The following SLC16A1 variants were observed in gnomAD, a reference collection of about 807,000 sequenced individuals.
The protein encoded by SLC16A1 is monocarboxylate transporter 1.
A neutral mutation model predicts 32.2 loss-of-function variants in SLC16A1; 11 were observed. The ratio of observed to expected loss-of-function variants is 0.34; its 90% confidence interval spans 0.21 to 0.56. The LOEUF (loss-of-function observed/expected upper bound fraction) is 0.56, where lower values mean the gene tolerates loss of function less well. Ranked by LOEUF, SLC16A1 falls within the 20% of genes least tolerant of loss-of-function variation. SLC16A1 has a pLI of 0.87. For missense variants in SLC16A1, 435 were observed against 615.0 expected, an observed-to-expected ratio of 0.71 and a Z score of 3.10; for synonymous variants, 231 against 226.8, an observed-to-expected ratio of 1.02 and a Z score of -0.17.
In SLC16A1 at chr1:112,914,099, A is replaced by G; in HGVS notation, c.1295T>C (p.Ile432Thr). 6.2e-7 allele frequency: 1 copy of G among 1,614,238 alleles called. No individual in the cohort carries two copies. The highest frequency in any genetic ancestry group is 8.5e-7 in the Non-Finnish European group (1 of 1,180,042). Residue 432 changes from isoleucine to threonine, a missense_variant, in exon 5 of 5, where the codon ATT (isoleucine) becomes ACT (threonine). Ile to Thr is a moderately conservative substitution (Grantham distance 89). Around this residue, in one of 2 missense-constraint regions of SLC16A1, gnomAD observed 111 missense variants for 114.7 expected, o/e 0.97. Transcript: ENST00000369626. ...GCCAATGAAGAGATAGATACCTGAA[A>G]TAATTAGGACGACGCCACATGCCCA... is the stretch of plus-strand genomic sequence containing the variant. ...TYWACGVVLI[I>T]SGIYLFIGMG...
rs144490635 is a variant in SLC16A1, at chr1:112,929,521, C to A, written c.-44-169G>T. ...TTGAGGCCAGGAGTTCAAGACAGCC[C>A]GGGCAACACAGATCCTGTGTCTAAG... On this transcript the variant is annotated intron_variant, in intron 1 of 4. Transcript: ENST00000369626. Among the ~76,000 whole-genome samples, 21 of 151,954 alleles carry A rather than the reference C, an allele frequency of 1.4e-4. No individual in the cohort carries two copies. The East Asian group carries it at 3.9e-3, about 28-fold the overall frequency.
At chr1:112,937,079 AT>A (rs201865694) in intron 1 of SLC16A1, among the ~76,000 whole-genome samples, 1,871 of 152,342 alleles carry the variant, frequency 0.012, 38 homozygotes, top group African/African-American at 0.043. Context: ...TCTTCTAAGT[AT>A]GAAAAAAGAG....
chr1:112,931,002 A>T (rs1649109737), intron 1 of SLC16A1, among the ~76,000 whole-genome samples: 1 of 152,210 alleles, frequency 6.6e-6, no homozygotes, highest in African/African-American at 2.4e-5. Context: ...TACAGGCATG[A>T]GCCACCACTC....
intron 1 of SLC16A1, among the ~76,000 whole-genome samples, chr1:112,936,591 C>T (rs1335468568): frequency 6.6e-6 from 1 of 150,866 alleles, no homozygotes; most frequent in Non-Finnish European, 1.5e-5. Flanking sequence ...GGATTTCTAT[C>T]ATGGGACTCT....
intron 2 of SLC16A1, among the ~76,000 whole-genome samples, chr1:112,922,550 G>C (rs1320245940): frequency 1.3e-5 from 2 of 152,096 alleles, no homozygotes; most frequent in Non-Finnish European, 2.9e-5. Context: ...GGGGCAGGTG[G>C]ATCACCCGAG....
At chr1:112,945,924 G>A (rs990463510) in intron 1 of SLC16A1, among the ~76,000 whole-genome samples, 2 of 152,066 alleles carry the variant, frequency 1.3e-5, no homozygotes, top group Non-Finnish European at 2.9e-5. Flanking sequence ...CCCAGAGGCG[G>A]AGATTGAGGT....
chr1:112,924,554 C>T (rs769627794), intron 2 of SLC16A1, among the ~76,000 whole-genome samples: 4 of 151,440 alleles, frequency 2.6e-5, no homozygotes, highest in Non-Finnish European at 5.9e-5. Flanking sequence ...TACCTGAGAC[C>T]GGGTCATTTA....
chr1:112,941,471 C>T (rs993738638), intron 1 of SLC16A1, among the ~76,000 whole-genome samples: 10 of 152,092 alleles, frequency 6.6e-5, no homozygotes, highest in East Asian at 1.9e-4. Flanking sequence ...TTAGTAGAGA[C>T]GGGGTTTCTC....
At chr1:112,916,171 CTTT>C (rs11299751) in intron 4 of SLC16A1, among the ~76,000 whole-genome samples, 49 of 119,450 alleles carry the variant, frequency 4.1e-4, no homozygotes, top group Non-Finnish European at 4.3e-4. Flanking sequence ...CTGAAATAAA[CTTT>C]TTTTTTTTTT....
rs775789149 is a variant in SLC16A1 at position 112,913,896 on chromosome 1, C to T, written c.1498G>A (p.Val500Ile). Residue 500 changes from valine to isoleucine, a missense_variant, in exon 5 of 5, where the codon GTC becomes ATC. By Grantham distance (29) the Val-to-Ile change is conservative (BLOSUM62 3). Around this residue, in one of 2 missense-constraint regions of SLC16A1, gnomAD observed 111 missense variants for 114.7 expected, o/e 0.97. Transcript: ENST00000369626. Reference protein sequence around the residue: ...DGGPKEEESPV With the variant: ...DGGPKEEESPI ...TACCCTTCAGCCCCATGGATTCAGACTGGACTTTCCTCCTCCTTGGGCCCT... is the reference window on the plus strand; with the variant it reads ...TACCCTTCAGCCCCATGGATTCAGATTGGACTTTCCTCCTCCTTGGGCCCT... 1.9e-6 allele frequency: 3 copies of T among 1,614,180 alleles called. No individual in the cohort carries two copies. The highest frequency in any genetic ancestry group is 1.1e-5 in the South Asian group (1 of 91,086).
intron 2 of SLC16A1, chr1:112,924,044 C>T: frequency 1.5e-6 from 2 of 1,293,524 alleles, no homozygotes; most frequent in South Asian, 1.2e-5. Context: ...CAGAGATCTA[C>T]AGGAATCGCT....
chr1:112,924,289 C>A, intron 2 of SLC16A1: 1 of 1,434,342 alleles, frequency 7.0e-7, no homozygotes, highest in Non-Finnish European at 9.8e-7. Context: ...GTTGTGGAGG[C>A]CTTTAATCAA....
In SLC16A1 at chr1:112,917,879, C is replaced by T. The variant is rs766830652; in HGVS notation, c.527G>A (p.Gly176Glu). Residue 176 changes from glycine (G) to glutamate (E), a missense_variant, in exon 4 of 5, where the codon GGA becomes GAA. Gly to Glu is a moderately conservative substitution (Grantham distance 98). This residue lies in a region of SLC16A1 where 324 missense variants were observed against 500.3 expected (regional missense o/e 0.65). Transcript: ENST00000369626. This position sits in a 1 kb window ranked among gnomAD's most constrained non-coding sequence, Gnocchi z 4.1. ...QVFFGIFGWR[G>E]SFLILGGLLL... The stretch of plus-strand genomic sequence containing the variant: ...CAAGCCCCCAAGAATTAGAAAGCTT[C>T]CTCTCCATCCAAAGATACCGAAGAA... 9.3e-6 allele frequency: 15 copies of T among 1,611,148 alleles called. No homozygotes were observed. Among genetic ancestry groups the T allele is most frequent in the Non-Finnish European group, 1.2e-5 (14 of 1,178,690 alleles).
intron 1 of SLC16A1, among the ~76,000 whole-genome samples, chr1:112,947,922 A>G (rs1280043153): frequency 6.6e-6 from 1 of 152,200 alleles, no homozygotes; most frequent in Non-Finnish European, 1.5e-5. Context: ...AATCTTTAGT[A>G]AAAGGAGAAA....
At chr1:112,923,481 GC>G in intron 2 of SLC16A1, 1 of 823,898 alleles carries the variant, frequency 1.2e-6, no homozygotes, top group Non-Finnish European at 2.1e-6. Flanking sequence ...AGTCACCCGC[GC>G]CTTCCTGGAG....
rs1402452765 is a variant in SLC16A1, at chr1:112,913,776, T to C, written c.*115A>G. The C allele has an allele frequency of 4.4e-5, 57 of 1,300,928 alleles. No homozygotes were observed. The South Asian group carries it at 6.8e-4, about 16-fold the overall frequency. The allele number at this position is 1,300,928 out of a possible 1,614,324, so 80.6% of individuals were successfully genotyped here. On this transcript the variant is annotated 3_prime_UTR_variant, in exon 5 of 5. Transcript: ENST00000369626. Reference sequence around the variant, plus strand: ...CCATCAATGAACAACTGGTATGATTTCCACACAAATGTCTACTATTTGCAT... The same window carrying C: ...CCATCAATGAACAACTGGTATGATTCCCACACAAATGTCTACTATTTGCAT...
intron 1 of SLC16A1, among the ~76,000 whole-genome samples, chr1:112,954,811 T>C (rs182878453): frequency 5.7e-4 from 87 of 152,336 alleles, no homozygotes; most frequent in East Asian, 3.9e-4. Context: ...TTTTAAGTGC[T>C]AAATATCTTG....
intron 1 of SLC16A1, among the ~76,000 whole-genome samples, chr1:112,948,967 A>G (rs980380094): frequency 6.6e-6 from 1 of 152,092 alleles, no homozygotes; most frequent in Non-Finnish European, 1.5e-5. Flanking sequence ...AGTAGCTGGG[A>G]CTACAGGCGC....
At chr1:112,929,407 C>A in intron 1 of SLC16A1, 55 bp from the exon 2 acceptor site, 4 of 987,756 alleles carry the variant, frequency 4.0e-6, no homozygotes, top group South Asian at 1.4e-5. Flanking sequence ...CTATAAAACT[C>A]TTTTGTGAAA....
Sources: gnomAD v4.1 joint callset for allele counts (sites outside exome capture counted in the v4.1 genomes callset) on GRCh38, gnomAD v4.1.1 for gene constraint, gnomAD v4.1.1 regional missense constraint, Gnocchi (gnomAD v3.1) non-coding constraint, MANE v1.5 for transcripts, NCBI Gene and HGNC (gene_info 2026-07-23, HGNC 2026-07-21) for gene names.